Variants in CEP128 observed in about 807,000 individuals in gnomAD.
CEP128 encodes the protein centrosomal protein 128, also known as centrosomal protein 128kDa.
In CEP128, 132 loss-of-function variants were observed where a neutral mutation model predicts 156.7. The ratio of observed to expected loss-of-function variants is 0.84; its 90% CI spans 0.73 to 0.97. The LOEUF is 0.97. Among genes scored for constraint, CEP128 ranks in the 50% least tolerant of loss-of-function variants. The pLI is 0.00. For missense variants in CEP128, 1,252 were observed against 1,281.9 expected (o/e 0.98, Z 0.36); for synonymous variants, 469 against 448.9 (o/e 1.04, Z -0.57).
intron 19 of CEP128, among the ~76,000 whole-genome samples, chr14:80,640,862 T>C (rs563698357): frequency 6.6e-6 from 1 of 152,318 alleles, no homozygotes; most frequent in Non-Finnish European, 1.5e-5. Context: ...AGCATCTAAA[T>C]CTAAACTTGT....
chr14:80,788,288 C>CTTTTTTTTTTTTTTTT (rs10628361), intron 14 of CEP128, among the ~76,000 whole-genome samples: 16 of 97,250 alleles, frequency 1.6e-4, no homozygotes, highest in Non-Finnish European at 1.9e-4. Flanking sequence ...TGGCCAGGAT[C>CTTTTTTTTTTTTTTTT]TTTTTTTTTT....
At position 80,955,639 on chromosome 14, in the gene CEP128, C is replaced by G. The variant is rs199811084; in HGVS notation, c.-172+2539G>C. 2.5e-6 allele frequency: 4 copies of G among 1,611,322 alleles called. No individual in the cohort carries two copies. The African/African-American group carries it at 5.3e-5, about 22-fold the overall frequency. On this transcript the variant is annotated intron_variant, in intron 2 of 7. Coordinates refer to the CEP128 transcript ENST00000555529. ...CCGAGGTGCAGAGCTGAGAATGAGG[C>G]GATTTCGGAGGATGGAGAAATAGCC...
At chr14:80,907,844 A>G (rs1883979818) in intron 4 of CEP128, among the ~76,000 whole-genome samples, 1 of 152,196 alleles carries the variant, frequency 6.6e-6, no homozygotes, top group South Asian at 2.1e-4. Flanking sequence ...TCAGAATAAA[A>G]CTAAACAATA....
In CEP128 at chr14:80,654,880, C is replaced by A. The variant is rs530658047; in HGVS notation, c.2807-74457G>T. On this transcript the variant is annotated intron_variant, in intron 19 of 24. Coordinates refer to ENST00000555265, the MANE Select transcript of CEP128 (RefSeq NM_152446.5). Reference sequence around the variant, plus strand: ...CCTTTAGAGGCTACAACTGCTCTTCCAGACTTCAGTGTCACAGTGTAGCCA... The same window carrying A: ...CCTTTAGAGGCTACAACTGCTCTTCAAGACTTCAGTGTCACAGTGTAGCCA... 3.3e-5 allele frequency among the ~76,000 whole-genome samples: 5 copies of A among 152,168 alleles called. No homozygotes were observed. In the South Asian group the frequency reaches 1.0e-3, roughly 32 times the overall value.
At chr14:80,723,871 G>T (rs1056088173) in intron 19 of CEP128, among the ~76,000 whole-genome samples, 2 of 152,216 alleles carry the variant, frequency 1.3e-5, no homozygotes, top group East Asian at 1.9e-4. Flanking sequence ...GAGCTAACTG[G>T]AAGCTATTGC....
intron 18 of CEP128, among the ~76,000 whole-genome samples, chr14:80,751,152 T>C (rs1245384763): frequency 1.3e-5 from 2 of 152,200 alleles, no homozygotes; most frequent in African/African-American, 4.8e-5. Flanking sequence ...TTCAAGTCAT[T>C]CATTGTGTGG....
At chr14:80,871,311 T>C (rs539244719) in intron 8 of CEP128, among the ~76,000 whole-genome samples, 4 of 152,214 alleles carry the variant, frequency 2.6e-5, no homozygotes, top group African/African-American at 9.6e-5. Context: ...ACCAACTTCA[T>C]TGGATGCCAC....
rs1256001819 is a variant in CEP128, at chr14:80,899,996, T to C, written c.514A>G (p.Ser172Gly). ...TCTCCAAGGCGAATTTGTTCACTGCTGAGGTCTCGAAGAGACTGATGAAAA... is the reference window on the plus strand; with the variant it reads ...TCTCCAAGGCGAATTTGTTCACTGCCGAGGTCTCGAAGAGACTGATGAAAA... ...HGFHQSLRDL[S>G]SEQIRLGDDF... The change falls in exon 7 of 25, where the codon AGC becomes GGC. Residue 172 changes from serine to glycine, a missense_variant. Coordinates refer to ENST00000555265, the MANE Select transcript of CEP128 (RefSeq NM_152446.5). 1.2e-6 allele frequency: 2 copies of C among 1,613,752 alleles called. No individual in the cohort carries two copies. The highest frequency in any genetic ancestry group is 8.5e-7 in the Non-Finnish European group (1 of 1,179,712).
chr14:80,633,259 C>G (rs1207743217), intron 19 of CEP128, among the ~76,000 whole-genome samples: 1 of 151,634 alleles, frequency 6.6e-6, no homozygotes. Context: ...AAAAACAAAA[C>G]AAAACAAACT....
intron 19 of CEP128, among the ~76,000 whole-genome samples, chr14:80,703,927 C>A (rs545645451): frequency 5.8e-4 from 88 of 152,166 alleles, no homozygotes; most frequent in African/African-American, 2.1e-3. Context: ...GCCACAGTTA[C>A]CTCCCTTCCT....
rs144399325 is a variant in CEP128 at position 80,915,815 on chromosome 14, C to G, written c.147+586G>C. ...CTTTACCCTAAAACACTCTCCACCA[C>G]CTATCACATATTTCAAATATCTTTA... On this transcript the variant is annotated intron_variant, in intron 3 of 24. Coordinates refer to ENST00000555265, the MANE Select transcript of CEP128 (RefSeq NM_152446.5). Among the ~76,000 whole-genome samples the G allele has an allele frequency of 3.3e-5, 5 of 152,362 alleles. No homozygotes were observed. The East Asian group carries it at 5.8e-4, about 18-fold the overall frequency.
At chr14:80,759,287 A>G (rs764666154) in intron 17 of CEP128, among the ~76,000 whole-genome samples, 2 of 152,226 alleles carry the variant, frequency 1.3e-5, no homozygotes, top group Admixed American at 1.3e-4. Context: ...CATTTATTAC[A>G]TATCTATTTT....
At chr14:80,658,757 G>A (rs1185017870) in intron 19 of CEP128, among the ~76,000 whole-genome samples, 1 of 152,134 alleles carries the variant, frequency 6.6e-6, no homozygotes, top group Non-Finnish European at 1.5e-5. Context: ...ACAGGCACAA[G>A]CAACTAGCAG....
Position 80,865,666 on chromosome 14 carries a change from T to A in CEP128, c.646-2793A>T, listed in dbSNP as rs1042121410. ...TGGGATGTCACTTCCATTATTAGAT[T>A]GCAAAAAACTGACTTCCAATTTGCT... On this transcript the variant is annotated intron_variant, in intron 8 of 24. Coordinates refer to ENST00000555265, the MANE Select transcript of CEP128 (RefSeq NM_152446.5). Among the ~76,000 whole-genome samples the A allele has an allele frequency of 2.8e-4, 42 of 152,230 alleles. 1 individual carries two copies. The highest frequency in any genetic ancestry group is 2.6e-4 in the African/African-American group (11 of 41,522).
intron 19 of CEP128, among the ~76,000 whole-genome samples, chr14:80,632,814 T>A (rs911694865): frequency 6.6e-6 from 1 of 152,152 alleles, no homozygotes; most frequent in Non-Finnish European, 1.5e-5. Context: ...GGCAAGTGCA[T>A]ACATTCAATT....
intron 19 of CEP128, among the ~76,000 whole-genome samples, chr14:80,584,691 A>AAT (rs1234780820): frequency 6.6e-6 from 1 of 152,178 alleles, no homozygotes; most frequent in African/African-American, 2.4e-5. Context: ...AACACAAGAG[A>AAT]ATATAGGTGA....
At chr14:80,705,429 G>T (rs567623384) in intron 19 of CEP128, among the ~76,000 whole-genome samples, 1 of 152,216 alleles carries the variant, frequency 6.6e-6, no homozygotes, top group Non-Finnish European at 1.5e-5. Context: ...GTTCAGTTTT[G>T]TGTGTATAGG....
intron 2 of CEP128, among the ~76,000 whole-genome samples, chr14:80,956,769 C>T (rs1012741341): frequency 6.6e-6 from 1 of 152,122 alleles, no homozygotes; most frequent in Non-Finnish European, 1.5e-5. Context: ...AAGAATTTAG[C>T]TCATGAAGAC....
At chr14:80,900,123 A>C in intron 6 of CEP128, 94 bp from the exon 7 acceptor site, 1 of 736,522 alleles carries the variant, frequency 1.4e-6, no homozygotes, top group African/African-American at 1.8e-5. Flanking sequence ...TGTTCCTTGC[A>C]ATAATAACCA....
Sources: gnomAD v4.1 joint callset for allele counts (sites outside exome capture counted in the v4.1 genomes callset) on GRCh38, gnomAD v4.1.1 for gene constraint, MANE v1.5 for transcripts, NCBI Gene and HGNC (gene_info 2026-07-23, HGNC 2026-07-21) for gene names.